The following ST6GALNAC3 variants were observed in gnomAD, a reference collection of about 807,000 sequenced individuals.
The protein encoded by ST6GALNAC3 is ST6 N-acetylgalactosaminide alpha-2,6-sialyltransferase 3.
In ST6GALNAC3, 25 loss-of-function variants were observed where a neutral mutation model predicts 32.7. The observed-to-expected ratio is 0.76, with a 90% CI of 0.56 to 1.07. The LOEUF is 1.07. Ranked by LOEUF, ST6GALNAC3 falls within the 50% of genes least tolerant of loss-of-function variation. The pLI is 0.00. For synonymous variants in ST6GALNAC3, 129 were observed against 133.1 expected (o/e 0.97, Z 0.21); for missense variants, 355 against 382.4 (o/e 0.93, Z 0.60).
intron 3 of ST6GALNAC3, among the ~76,000 whole-genome samples, chr1:76,502,402 G>A (rs1019151721): frequency 6.6e-6 from 1 of 152,192 alleles, no homozygotes; most frequent in African/African-American, 2.4e-5. Context: ...AACATCAGAA[G>A]TTTATTGTCT....
chr1:76,448,150 G>A (rs551608637), intron 3 of ST6GALNAC3, among the ~76,000 whole-genome samples: 13 of 152,280 alleles, frequency 8.5e-5, no homozygotes, highest in African/African-American at 1.9e-4. Flanking sequence ...TTGCATCAGC[G>A]TGACCTGGTA....
At chr1:76,340,206 G>T (rs972468672) in intron 2 of ST6GALNAC3, among the ~76,000 whole-genome samples, 6 of 152,234 alleles carry the variant, frequency 3.9e-5, no homozygotes, top group Non-Finnish European at 8.8e-5. Context: ...GATGTGTAGG[G>T]TGACCTTTAT....
At chr1:76,114,818 C>G (rs1648343931) in intron 1 of ST6GALNAC3, among the ~76,000 whole-genome samples, 1 of 150,530 alleles carries the variant, frequency 6.6e-6, no homozygotes, top group Non-Finnish European at 1.5e-5. Flanking sequence ...ACTTGGGAGG[C>G]TGAGGCGGGA....
At chr1:76,182,386 C>G (rs1653240840) in intron 1 of ST6GALNAC3, among the ~76,000 whole-genome samples, 1 of 152,142 alleles carries the variant, frequency 6.6e-6, no homozygotes. Context: ...AATATCTGGT[C>G]TTATTGCATG....
Position 76,417,213 on chromosome 1 carries a change from T to TTTTC in ST6GALNAC3, c.623+4808_623+4811dup, listed in dbSNP as rs1213669298. Among the ~76,000 whole-genome samples the TTTTC allele has an allele frequency of 9.2e-5, 14 of 151,584 alleles. No individual in the cohort carries two copies. The South Asian group carries it at 2.9e-3, about 32-fold the overall frequency. The stretch of plus-strand genomic sequence containing the variant: ...ATCTTCTGGGGCCCAGTTGTTTTTT[T>TTTTC]TTTCTTTCTTTCTTTTTTTTTTTTT... On this transcript the variant is annotated intron_variant, in intron 3 of 4. Transcript: ENST00000328299.
chr1:76,325,466 TA>T (rs1169806309), intron 2 of ST6GALNAC3, among the ~76,000 whole-genome samples: 1 of 152,086 alleles, frequency 6.6e-6, no homozygotes, highest in East Asian at 1.9e-4. Context: ...TTTTGCAAGG[TA>T]AATTATTTGT....
intron 2 of ST6GALNAC3, among the ~76,000 whole-genome samples, chr1:76,380,424 T>C (rs1461084476): frequency 1.3e-5 from 2 of 152,198 alleles, no homozygotes; most frequent in East Asian, 1.9e-4. Context: ...GAATTGAACA[T>C]ATGCATATCC....
chr1:76,608,976 T>A (rs952822151), intron 3 of ST6GALNAC3, among the ~76,000 whole-genome samples: 1 of 152,202 alleles, frequency 6.6e-6, no homozygotes, highest in Non-Finnish European at 1.5e-5. Flanking sequence ...TTGCTGTTAT[T>A]ATGAATGTAG....
intron 2 of ST6GALNAC3, among the ~76,000 whole-genome samples, chr1:76,348,625 T>C (rs568569850): frequency 1.1e-4 from 16 of 152,300 alleles, no homozygotes; most frequent in African/African-American, 3.8e-4. Context: ...AAAATGCTGA[T>C]GCCAATTTTA....
chr1:76,135,798 G>A (rs887814093), intron 1 of ST6GALNAC3, among the ~76,000 whole-genome samples: 1 of 152,122 alleles, frequency 6.6e-6, no homozygotes, highest in African/African-American at 2.4e-5. Flanking sequence ...TTCCTGCCTG[G>A]ATAGGTTTCC....
At chr1:76,118,367 G>T (rs987636286) in intron 1 of ST6GALNAC3, among the ~76,000 whole-genome samples, 2 of 152,176 alleles carry the variant, frequency 1.3e-5, no homozygotes, top group Non-Finnish European at 2.9e-5. Context: ...CCTTAAAAAT[G>T]TACCTATCCA....
intron 2 of ST6GALNAC3, among the ~76,000 whole-genome samples, chr1:76,389,879 A>T (rs35036475): frequency 0.022 from 3,347 of 152,312 alleles, 54 homozygotes; most frequent in Non-Finnish European, 0.033. Context: ...TGTTTTCTGC[A>T]TGATTTATTA....
At chr1:76,259,197 C>G (rs767778860) in intron 1 of ST6GALNAC3, among the ~76,000 whole-genome samples, 48 of 152,174 alleles carry the variant, frequency 3.2e-4, no homozygotes, top group Non-Finnish European at 3.4e-4. Context: ...GAATGCAATT[C>G]TCTAGGTTAC....
At position 76,437,582 on chromosome 1, in the gene ST6GALNAC3, CTTTT is replaced by C. The variant is rs11298028; in HGVS notation, c.623+25176_623+25179del. ...ATTCTTTTCTTTCTTTTTTTTTTCT[CTTTT>C]TTTTTTTTTTGAGACGGAGTCTCGC... On this transcript the variant is annotated intron_variant, in intron 3 of 4. Transcript: ENST00000328299. Among the ~76,000 whole-genome samples the C allele has an allele frequency of 7.1e-3, 983 of 137,684 alleles. 16 individuals carry two copies. The highest frequency in any genetic ancestry group is 0.024 in the African/African-American group (875 of 36,552). 90.3% of individuals were successfully genotyped at this position (137,684 alleles called of 152,430 possible).
rs1649855393 is a variant in ST6GALNAC3, at chr1:76,360,637, C to T, written c.213+46638C>T. ...TATTTCTGGTAGCTAATCAATATTC[C>T]AGTTCTCAATTATCCATGCTAGATT... On this transcript the variant is annotated intron_variant, in intron 2 of 4. Transcript: ENST00000328299. Among the ~76,000 whole-genome samples, 3 of 152,066 alleles carry T rather than the reference C, an allele frequency of 2.0e-5. No individual in the cohort carries two copies. In the South Asian group the frequency reaches 6.2e-4, roughly 31 times the overall value.
chr1:76,125,134 T>C (rs1649157695), intron 1 of ST6GALNAC3, among the ~76,000 whole-genome samples: 1 of 152,364 alleles, frequency 6.6e-6, no homozygotes, highest in Non-Finnish European at 1.5e-5. Flanking sequence ...GTAGCTTGCA[T>C]TACATGTCTC....
chr1:76,303,343 G>C (rs1660841591), intron 1 of ST6GALNAC3, among the ~76,000 whole-genome samples: 1 of 151,862 alleles, frequency 6.6e-6, no homozygotes, highest in Non-Finnish European at 1.5e-5. Flanking sequence ...TTTTGCAAAG[G>C]GAGTGGTCTC....
intron 1 of ST6GALNAC3, among the ~76,000 whole-genome samples, chr1:76,235,149 A>G (rs1031990097): frequency 2.0e-5 from 3 of 152,194 alleles, no homozygotes; most frequent in African/African-American, 7.2e-5. Flanking sequence ...TTGTTCAAAA[A>G]GGAAAAAAGG....
chr1:76,253,123 A>G (rs1268713704), intron 1 of ST6GALNAC3, among the ~76,000 whole-genome samples: 1 of 152,154 alleles, frequency 6.6e-6, no homozygotes, highest in African/African-American at 2.4e-5. Context: ...AGACATACAC[A>G]CATATATACA....
Sources: gnomAD v4.1 joint callset for allele counts (sites outside exome capture counted in the v4.1 genomes callset) on GRCh38, gnomAD v4.1.1 for gene constraint, MANE v1.5 for transcripts, NCBI Gene and HGNC (gene_info 2026-07-23, HGNC 2026-07-21) for gene names.